The following AMBRA1 variants were observed in gnomAD, a reference collection of about 807,000 sequenced individuals.
AMBRA1 encodes the protein activating molecule in BECN1-regulated autophagy protein 1.
In AMBRA1, 47 loss-of-function variants were observed where a neutral mutation model predicts 125.4. The observed-to-expected ratio is 0.37, with a 90% CI of 0.30 to 0.48. AMBRA1 has a LOEUF of 0.48. Ranked by LOEUF, AMBRA1 falls within the 20% of genes least tolerant of loss-of-function variation. AMBRA1 has a pLI of 0.99. For synonymous variants in AMBRA1, 626 were observed against 655.5 expected, an observed-to-expected ratio of 0.95 and a Z score of 0.69; for missense variants, 1,331 against 1,693.4, an observed-to-expected ratio of 0.79 and a Z score of 3.76.
chr11:46,553,279 G>A (rs1179719097), intron 1 of AMBRA1, among the ~76,000 whole-genome samples: 1 of 152,020 alleles, frequency 6.6e-6, no homozygotes, highest in African/African-American at 2.4e-5. Flanking sequence ...ACTATTTATT[G>A]TAAAAAGCCA....
intron 12 of AMBRA1, among the ~76,000 whole-genome samples, chr11:46,442,179 G>A (rs1414184860): frequency 2.0e-5 from 3 of 151,684 alleles, no homozygotes; most frequent in Non-Finnish European, 2.9e-5. Context: ...GTGTCACTCT[G>A]TCACCCAGAC....
intron 8 of AMBRA1, among the ~76,000 whole-genome samples, chr11:46,512,287 C>T (rs1350064565): frequency 6.6e-6 from 1 of 152,258 alleles, no homozygotes; most frequent in Non-Finnish European, 1.5e-5. Flanking sequence ...AGGAGCTTGA[C>T]TTCTGCCTTT....
chr11:46,471,269 C>A (rs573443379), intron 11 of AMBRA1, among the ~76,000 whole-genome samples: 1 of 151,956 alleles, frequency 6.6e-6, no homozygotes, highest in Non-Finnish European at 1.5e-5. Flanking sequence ...TGGCAAAACC[C>A]CACCTCTGCT....
intron 9 of AMBRA1, chr11:46,494,738 A>G (rs1215131630): frequency 1.3e-5 from 2 of 153,388 alleles, no homozygotes; most frequent in Admixed American, 1.3e-4. Flanking sequence ...AAAAATGCAC[A>G]AGAAAAAGAC....
intron 11 of AMBRA1, among the ~76,000 whole-genome samples, chr11:46,453,800 C>A (rs552050141): frequency 1.3e-5 from 2 of 152,298 alleles, no homozygotes; most frequent in African/African-American, 4.8e-5. Context: ...CTTGGTCTAT[C>A]ATGTTTAGGC....
intron 7 of AMBRA1, among the ~76,000 whole-genome samples, chr11:46,531,745 A>T (rs1952225806): frequency 6.7e-6 from 1 of 150,372 alleles, no homozygotes; most frequent in Admixed American, 6.6e-5. Context: ...TCCCTCCTTC[A>T]CTCTATCCTC....
chr11:46,582,006 CT>C (rs1475541105), intron 1 of AMBRA1, among the ~76,000 whole-genome samples: 1 of 150,656 alleles, frequency 6.6e-6, no homozygotes, highest in African/African-American at 2.4e-5. Context: ...GTCCCAGCTA[CT>C]TGGGAAGCCG....
At chr11:46,575,472 T>C (rs539356898) in intron 1 of AMBRA1, among the ~76,000 whole-genome samples, 1 of 147,102 alleles carries the variant, frequency 6.8e-6, no homozygotes, top group Admixed American at 6.8e-5. Flanking sequence ...AAAAAAAAAC[T>C]AGGTAGCTTA....
intron 7 of AMBRA1, among the ~76,000 whole-genome samples, chr11:46,519,671 G>A (rs1951673790): frequency 6.6e-6 from 1 of 152,136 alleles, no homozygotes; most frequent in Admixed American, 6.5e-5. Flanking sequence ...ATTTCCATCC[G>A]GGAGCACCAA....
chr11:46,485,363 G>A (rs543715324), intron 11 of AMBRA1, among the ~76,000 whole-genome samples: 88 of 152,304 alleles, frequency 5.8e-4, no homozygotes, highest in African/African-American at 2.0e-3. Context: ...AAAGATGAAC[G>A]GGGACACATT....
rs190750276 is a variant in AMBRA1, at chr11:46,549,302, C to T, written c.-120-802G>A. ...ATATCTACATATATACAGTGTTATCCACTGTGACATTGTTTCTTTAGCTCC... is the reference window on the plus strand; with the variant it reads ...ATATCTACATATATACAGTGTTATCTACTGTGACATTGTTTCTTTAGCTCC... On this transcript the variant is annotated intron_variant, in intron 1 of 17. Coordinates refer to ENST00000683756, the MANE Select transcript of AMBRA1 (RefSeq NM_001387011.1). Among the ~76,000 whole-genome samples the T allele has an allele frequency of 1.4e-3, 207 of 152,196 alleles. 3 individuals are homozygous for T. The highest frequency in any genetic ancestry group is 5.1e-4 in the Non-Finnish European group (35 of 68,002).
intron 1 of AMBRA1, among the ~76,000 whole-genome samples, chr11:46,577,543 C>A (rs2043999409): frequency 6.6e-6 from 1 of 151,804 alleles, no homozygotes; most frequent in African/African-American, 2.4e-5. Flanking sequence ...AAAGAGGTTG[C>A]AGAACATTGT....
At chr11:46,564,838 T>C (rs1392005771) in intron 1 of AMBRA1, among the ~76,000 whole-genome samples, 2 of 152,206 alleles carry the variant, frequency 1.3e-5, no homozygotes, top group Non-Finnish European at 2.9e-5. Context: ...TTGTAATATA[T>C]ACACAGATCA....
At chr11:46,533,223 T>A (rs1055564967) in intron 7 of AMBRA1, among the ~76,000 whole-genome samples, 2 of 151,658 alleles carry the variant, frequency 1.3e-5, no homozygotes, top group African/African-American at 4.8e-5. Flanking sequence ...TTGATTAGCA[T>A]AGAAAAAATT....
intron 9 of AMBRA1, chr11:46,495,457 A>G (rs1950597176): frequency 6.6e-6 from 1 of 152,268 alleles, no homozygotes; most frequent in African/African-American, 2.4e-5. Flanking sequence ...TACCAGGGAT[A>G]TTGGAAGCTG....
In AMBRA1 at chr11:46,434,891, C is replaced by G; in HGVS notation, c.2779G>C (p.Ala927Pro). The stretch of plus-strand genomic sequence containing the variant: ...AGCATTTCGCCCAGGTTATGGGGGG[C>G]CAGGGAGTACACTGCCAGGATGCCT... Reference protein sequence around the residue: ...DEGILAVYSLAPHNLGEMLYT... With the variant: ...DEGILAVYSLPPHNLGEMLYT... The change falls in exon 13 of 18, where the codon GCC becomes CCC. Residue 927 changes from alanine (A) to proline (P), a missense_variant. Ala to Pro is a conservative substitution (Grantham distance 27). Around this residue, in one of 4 missense-constraint regions of AMBRA1, gnomAD observed 354 missense variants for 532.7 expected, o/e 0.66. Coordinates refer to ENST00000683756, the MANE Select transcript of AMBRA1 (RefSeq NM_001387011.1). 1 of 1,613,358 alleles carries G rather than the reference C, an allele frequency of 6.2e-7. No homozygotes were observed. Among genetic ancestry groups the G allele is most frequent in the Non-Finnish European group, 8.5e-7 (1 of 1,179,662 alleles).
At chr11:46,509,699 T>C (rs2135043131) in intron 8 of AMBRA1, among the ~76,000 whole-genome samples, 1 of 152,310 alleles carries the variant, frequency 6.6e-6, no homozygotes, top group South Asian at 2.1e-4. Context: ...AAGAATGGTC[T>C]GTATACACTA....
rs576645378 is a variant in AMBRA1 at position 46,397,828 on chromosome 11, G to A, written c.3519C>T (p.Ala1173=). 3.1e-6 allele frequency: 5 copies of A among 1,604,334 alleles called. No homozygotes were observed. The South Asian group carries it at 4.4e-5, about 14-fold the overall frequency. Residue 1173 remains alanine, a synonymous_variant, in exon 18 of 18, where the codon GCC becomes GCT. Transcript: ENST00000683756. ...TGTTGTTGCCGAAGCCGCCCATGGA[G>A]GCCATGGTGGTGCTCTGCTCCCGCT... ...VVQREQSTTM[A]SMGGFGNNII...
rs2134978014 is a variant in AMBRA1 at position 46,493,963 on chromosome 11, G to C, written c.2420+161C>G. On this transcript the variant is annotated intron_variant, in intron 10 of 17. Transcript: ENST00000683756. ...CACTTTTTCATCTCTTTTGAATGTG[G>C]CTAACCATCATCCGTCAAGAGTTTA... The C allele has an allele frequency of 3.2e-5, 23 of 710,462 alleles. No homozygotes were observed. The South Asian group carries it at 4.4e-4, about 14-fold the overall frequency. The allele number at this position is 710,462 out of a possible 1,614,324, so 44.0% of individuals were successfully genotyped here. A position where few individuals can be genotyped will look rare whatever the true frequency, so the allele number is the denominator to read the frequency against.
Sources: gnomAD v4.1 joint callset for allele counts (sites outside exome capture counted in the v4.1 genomes callset) on GRCh38, gnomAD v4.1.1 for gene constraint, gnomAD v4.1.1 regional missense constraint, MANE v1.5 for transcripts, NCBI Gene and HGNC (gene_info 2026-07-23, HGNC 2026-07-21) for gene names.